Variants in ACOT7 observed in about 807,000 individuals in gnomAD.
ACOT7 encodes cytosolic acyl coenzyme A thioester hydrolase.
In ACOT7, 12 loss-of-function variants were observed where a neutral mutation model predicts 40.2. That is an observed-to-expected ratio of 0.30 (90% CI 0.19 to 0.48). ACOT7 has a LOEUF of 0.48. ACOT7 is among the 20% of genes least tolerant of loss of function. ACOT7 has a pLI of 0.99. For synonymous variants in ACOT7, 228 were observed against 219.5 expected (o/e 1.04, Z -0.34); for missense variants, 395 against 530.8 (o/e 0.74, Z 2.51).
chr1:6,280,527 C>T (rs1462545685), intron 8 of ACOT7, among the ~76,000 whole-genome samples: 2 of 152,202 alleles, frequency 1.3e-5, no homozygotes. Flanking sequence ...CTGCACACGC[C>T]CACCCCACCT....
At chr1:6,310,737 T>C (rs960221302) in intron 6 of ACOT7, among the ~76,000 whole-genome samples, 1 of 152,136 alleles carries the variant, frequency 6.6e-6, no homozygotes, top group East Asian at 1.9e-4. Flanking sequence ...TTTGTTGTTG[T>C]TGTTGTTGCT....
chr1:6,380,375 G>A (rs143379452), intron 1 of ACOT7, among the ~76,000 whole-genome samples: 9,267 of 151,352 alleles, frequency 0.061, 441 homozygotes, highest in Non-Finnish European at 0.069. Flanking sequence ...TGAGGTGGGA[G>A]GATCACGAGG....
intron 3 of ACOT7, among the ~76,000 whole-genome samples, chr1:6,337,893 T>C (rs898963454): frequency 1.3e-5 from 2 of 149,600 alleles, no homozygotes; most frequent in Non-Finnish European, 3.0e-5. Context: ...GAGAATAGCT[T>C]GAACCTGGGA....
intron 8 of ACOT7, among the ~76,000 whole-genome samples, chr1:6,272,282 T>C (rs1033364566): frequency 1.7e-4 from 26 of 152,288 alleles, no homozygotes; most frequent in African/African-American, 6.0e-4. Flanking sequence ...CAAATGAAGA[T>C]CAAAAAGGCT....
At chr1:6,341,832 G>A (rs1641286455) in intron 2 of ACOT7, among the ~76,000 whole-genome samples, 1 of 152,234 alleles carries the variant, frequency 6.6e-6, no homozygotes, top group Admixed American at 6.5e-5. Context: ...AAAAGCCTAT[G>A]GTGCTGGGTC....
intron 6 of ACOT7, among the ~76,000 whole-genome samples, chr1:6,318,098 C>T (rs188913312): frequency 5.3e-4 from 81 of 152,238 alleles, no homozygotes; most frequent in Non-Finnish European, 7.6e-4. Flanking sequence ...TTCTGTTGCC[C>T]AGGCTGAAGT....
chr1:6,292,214 AAC>A (rs1639686464), intron 7 of ACOT7, among the ~76,000 whole-genome samples: 1 of 152,240 alleles, frequency 6.6e-6, no homozygotes, highest in African/African-American at 2.4e-5. Context: ...CTAAGAAAAC[AAC>A]AGTCTTTCTG....
chr1:6,384,690 G>A (rs555005647), intron 1 of ACOT7, among the ~76,000 whole-genome samples: 1 of 151,748 alleles, frequency 6.6e-6, no homozygotes, highest in Non-Finnish European at 1.5e-5. Flanking sequence ...CCTTTCTGGA[G>A]ACCAGCTCCC....
intron 3 of ACOT7, among the ~76,000 whole-genome samples, chr1:6,338,000 CAAAAA>C (rs769360339): frequency 3.3e-3 from 235 of 71,796 alleles, no homozygotes; most frequent in African/African-American, 7.3e-3. Flanking sequence ...GACACCATCT[CAAAAA>C]AAAAAAAAAA....
chr1:6,333,598 G>T (rs114818603), intron 3 of ACOT7, 30 bp from the exon 4 acceptor site: 2 of 1,608,860 alleles, frequency 1.2e-6, no homozygotes, highest in African/African-American at 1.3e-5. Context: ...ATTAAGTGAC[G>T]CCCGGGAGAC....
chr1:6,307,636 C>A (rs1027611651), intron 6 of ACOT7, among the ~76,000 whole-genome samples: 3 of 151,868 alleles, frequency 2.0e-5, no homozygotes, highest in Non-Finnish European at 4.4e-5. Context: ...CAGCAACAGG[C>A]GGAGGGAAGA....
At chr1:6,328,437 G>A (rs1258217297) in intron 4 of ACOT7, among the ~76,000 whole-genome samples, 1 of 151,992 alleles carries the variant, frequency 6.6e-6, no homozygotes, top group Non-Finnish European at 1.5e-5. Context: ...GAGGCGGGTG[G>A]ATCACTTGAG....
rs866653929 is a variant in ACOT7, at chr1:6,340,059, A to G, written c.262-470T>C. Among the ~76,000 whole-genome samples the G allele has an allele frequency of 2.1e-3, 304 of 142,756 alleles. 7 individuals carry two copies. Among genetic ancestry groups the G allele is most frequent in the Admixed American group, 6.0e-3 (88 of 14,774 alleles). 93.7% of individuals were successfully genotyped at this position (142,756 alleles called of 152,430 possible). A position where few individuals can be genotyped will look rare whatever the true frequency, so the allele number is the denominator to read the frequency against. On this transcript the variant is annotated intron_variant, in intron 2 of 8. Coordinates refer to ENST00000361521, the MANE Select transcript of ACOT7 (RefSeq NM_007274.4). ...CCCCTCACTGCAAGCGCCGCCTCCC[A>G]GATTCACGCCATTCTCCTGCCTCAG...
intron 1 of ACOT7, among the ~76,000 whole-genome samples, chr1:6,379,369 C>G (rs111622124): frequency 6.6e-6 from 1 of 151,902 alleles, no homozygotes; most frequent in African/African-American, 2.4e-5. Context: ...TGTGTCCACA[C>G]GTGCAAATGG....
At chr1:6,335,180 A>C (rs1423696069) in intron 3 of ACOT7, among the ~76,000 whole-genome samples, 1 of 151,716 alleles carries the variant, frequency 6.6e-6, no homozygotes, top group Admixed American at 6.6e-5. Flanking sequence ...AAAATACAAA[A>C]ATTAGCCGGG....
intron 6 of ACOT7, among the ~76,000 whole-genome samples, chr1:6,313,246 T>A (rs917915627): frequency 6.6e-6 from 1 of 152,018 alleles, no homozygotes; most frequent in Non-Finnish European, 1.5e-5. Context: ...GGGTTAGTAA[T>A]AAAAAGTCCC....
intron 1 of ACOT7, chr1:6,360,461 T>G: frequency 2.8e-6 from 4 of 1,448,502 alleles, no homozygotes; most frequent in Non-Finnish European, 3.8e-6. Flanking sequence ...AGGGCCAGGG[T>G]CTTGAAGCCA....
At chr1:6,304,361 A>G (rs1640058218) in intron 6 of ACOT7, among the ~76,000 whole-genome samples, 1 of 147,664 alleles carries the variant, frequency 6.8e-6, no homozygotes, top group Non-Finnish European at 1.5e-5. Flanking sequence ...AAACACCCCC[A>G]TCCGACCCGT....
chr1:6,318,629 G>T, intron 5 of ACOT7, 51 bp from the exon 6 acceptor site: 1 of 1,582,104 alleles, frequency 6.3e-7, no homozygotes, highest in Non-Finnish European at 8.7e-7. Flanking sequence ...GATTCCCACA[G>T]CTGAATGGTC....
Sources: allele counts gnomAD v4.1 joint callset (sites outside exome capture counted in the v4.1 genomes callset), GRCh38; gene constraint gnomAD v4.1.1; transcripts MANE v1.5; gene names NCBI Gene and HGNC (gene_info 2026-07-23, HGNC 2026-07-21).